IQGAP2: variants seen among roughly 807,000 people sequenced by gnomAD.
The protein encoded by IQGAP2 is ras GTPase-activating-like protein IQGAP2.
Under a neutral mutation model 201.3 loss-of-function variants are expected in IQGAP2, and 173 were observed. The observed-to-expected ratio is 0.86, with a 90% confidence interval of 0.76 to 0.98. The LOEUF (loss-of-function observed/expected upper bound fraction) is 0.98. Among genes scored for constraint, IQGAP2 ranks in the 50% least tolerant of loss-of-function variants. The pLI, the probability that IQGAP2 is intolerant of heterozygous loss-of-function variation, is 0.00. For synonymous variants in IQGAP2, 675 were observed against 673.9 expected (o/e 1.00, Z -0.03); for missense variants, 1,687 against 1,864.8 (o/e 0.90, Z 1.76).
chr5:76,624,934 C>T (rs1404564449), intron 13 of IQGAP2, among the ~76,000 whole-genome samples: 5 of 152,008 alleles, frequency 3.3e-5, no homozygotes, highest in African/African-American at 9.7e-5. Flanking sequence ...ATTAGCTGAG[C>T]GTGGTGGCGG....
intron 1 of IQGAP2, among the ~76,000 whole-genome samples, chr5:76,444,856 G>A (rs992517521): frequency 1.3e-5 from 2 of 152,158 alleles, no homozygotes; most frequent in Admixed American, 6.5e-5. Flanking sequence ...CGGCTTAAGT[G>A]CTTTTTGGAA....
At chr5:76,590,343 A>G (rs2270907) in intron 7 of IQGAP2, 65 bp from the exon 8 acceptor site, 579,280 of 1,296,470 alleles carry the variant, frequency 0.45, 132,348 homozygotes, top group South Asian at 0.61. Context: ...CACAGGGTCA[A>G]TGCAACTGTC....
chr5:76,507,957 C>T (rs1192796082), intron 2 of IQGAP2, among the ~76,000 whole-genome samples: 2 of 144,556 alleles, frequency 1.4e-5, no homozygotes, highest in African/African-American at 5.2e-5. Flanking sequence ...GAGCCAAGAT[C>T]GCGCCACTGC....
intron 12 of IQGAP2, among the ~76,000 whole-genome samples, chr5:76,609,616 C>T (rs1175489381): frequency 6.6e-6 from 1 of 151,978 alleles, no homozygotes; most frequent in Non-Finnish European, 1.5e-5. Flanking sequence ...ATGAGAAGTA[C>T]TCATTCTATT....
intron 1 of IQGAP2, among the ~76,000 whole-genome samples, chr5:76,456,900 C>T (rs1754115819): frequency 1.3e-5 from 2 of 152,230 alleles, no homozygotes; most frequent in African/African-American, 2.4e-5. Flanking sequence ...GCGTGGGTAA[C>T]ATAGTGAGAC....
chr5:76,410,162 T>C (rs1420041897), intron 1 of IQGAP2, among the ~76,000 whole-genome samples: 1 of 152,290 alleles, frequency 6.6e-6, no homozygotes. Context: ...CCCTTCCAAG[T>C]TCTGTGGAAG....
At chr5:76,584,379 T>C (rs137881117) in intron 5 of IQGAP2, among the ~76,000 whole-genome samples, 31 of 152,294 alleles carry the variant, frequency 2.0e-4, no homozygotes, top group African/African-American at 7.0e-4. Context: ...ACCAGAAATT[T>C]GAACAACCCC....
At chr5:76,519,246 C>T (rs1758525081) in intron 2 of IQGAP2, among the ~76,000 whole-genome samples, 1 of 152,172 alleles carries the variant, frequency 6.6e-6, no homozygotes, top group African/African-American at 2.4e-5. Flanking sequence ...TACTCCAAAC[C>T]CTTGGCAACT....
intron 2 of IQGAP2, among the ~76,000 whole-genome samples, chr5:76,468,334 G>A (rs959850537): frequency 2.0e-5 from 3 of 152,142 alleles, no homozygotes; most frequent in Non-Finnish European, 4.4e-5. Flanking sequence ...TTTGGGAGAT[G>A]GAGTTCAGGC....
intron 12 of IQGAP2, chr5:76,606,546 G>T: frequency 4.0e-6 from 1 of 249,434 alleles, no homozygotes; most frequent in Non-Finnish European, 7.6e-6. Flanking sequence ...TAAAAGGCCT[G>T]ATTTTTCTGG....
chr5:76,614,810 C>T (rs1748779071), intron 13 of IQGAP2, among the ~76,000 whole-genome samples: 1 of 151,868 alleles, frequency 6.6e-6, no homozygotes, highest in Admixed American at 6.6e-5. Flanking sequence ...TATTTCTGTG[C>T]CTTGTCTTCC....
intron 16 of IQGAP2, among the ~76,000 whole-genome samples, chr5:76,640,342 G>T (rs1185544054): frequency 1.3e-5 from 2 of 152,094 alleles, no homozygotes; most frequent in Non-Finnish European, 2.9e-5. Context: ...TACCCCACAT[G>T]AAACTTTCTT....
chr5:76,656,198 G>GT (rs899719799), intron 20 of IQGAP2, among the ~76,000 whole-genome samples: 93 of 146,834 alleles, frequency 6.3e-4, no homozygotes, highest in East Asian at 5.9e-3. Flanking sequence ...TTTTTTGTTG[G>GT]TTTTTTTTGT....
chr5:76,439,474 A>G (rs1309062294), intron 1 of IQGAP2, among the ~76,000 whole-genome samples: 1 of 152,290 alleles, frequency 6.6e-6, no homozygotes, highest in East Asian at 1.9e-4. Context: ...GTTGCTGTCT[A>G]TCTATTTCTT....
chr5:76,572,786 C>T (rs1745206323), intron 4 of IQGAP2, among the ~76,000 whole-genome samples: 1 of 152,096 alleles, frequency 6.6e-6, no homozygotes, highest in South Asian at 2.1e-4. Flanking sequence ...CGCTGGAGGT[C>T]AAGAGGATAA....
At chr5:76,505,323 T>A (rs1201610068) in intron 2 of IQGAP2, among the ~76,000 whole-genome samples, 1 of 152,176 alleles carries the variant, frequency 6.6e-6, no homozygotes, top group East Asian at 1.9e-4. Flanking sequence ...CCGTCGAAAC[T>A]GCAAATCTCA....
intron 10 of IQGAP2, among the ~76,000 whole-genome samples, chr5:76,599,570 C>G (rs754986830): frequency 2.0e-5 from 3 of 152,068 alleles, no homozygotes; most frequent in Non-Finnish European, 2.9e-5. Flanking sequence ...GTATGTTAAA[C>G]TTGTATTTAA....
chr5:76,548,023 C>T (rs1457163225), intron 2 of IQGAP2, among the ~76,000 whole-genome samples: 1 of 152,156 alleles, frequency 6.6e-6, no homozygotes, highest in African/African-American at 2.4e-5. Context: ...ACTTGCCTAC[C>T]TCCTTTTAAT....
chr5:76,654,865 GT>G, intron 19 of IQGAP2, 68 bp from the exon 20 acceptor site: 1 of 990,544 alleles, frequency 1.0e-6, no homozygotes, highest in Non-Finnish European at 1.6e-6. Flanking sequence ...GTTCTTAAAT[GT>G]TCTAAATTCA....
Sources: gnomAD v4.1 joint callset for allele counts (sites outside exome capture counted in the v4.1 genomes callset) on GRCh38, gnomAD v4.1.1 for gene constraint, MANE v1.5 for transcripts, NCBI Gene and HGNC (gene_info 2026-07-23, HGNC 2026-07-21) for gene names.